Variants in COL21A1 observed in about 807,000 individuals in gnomAD.
COL21A1 encodes collagen type XXI alpha 1 chain, also known as collagen alpha-1(XXI) chain.
A neutral mutation model predicts 137.9 loss-of-function variants in COL21A1; 149 were observed. The observed-to-expected ratio is 1.08, with a 90% CI of 0.95 to 1.24. The LOEUF is 1.24. Among genes scored for constraint, COL21A1 ranks in the 50% most tolerant of loss-of-function variants. The pLI is 0.00. For synonymous variants in COL21A1, 456 were observed against 391.5 expected (o/e 1.16, Z -1.95); for missense variants, 1,167 against 1,158.4 (o/e 1.01, Z -0.11).
chr6:56,307,721 C>T (rs919250039), intron 1 of COL21A1, among the ~76,000 whole-genome samples: 1 of 152,116 alleles, frequency 6.6e-6, no homozygotes, highest in Non-Finnish European at 1.5e-5. Flanking sequence ...GTGCACTGCA[C>T]CCACGGTCCT....
intron 1 of COL21A1, among the ~76,000 whole-genome samples, chr6:56,282,504 G>A (rs1328980841): frequency 6.6e-6 from 1 of 152,162 alleles, no homozygotes; most frequent in Non-Finnish European, 1.5e-5. Context: ...CAGATGAAGA[G>A]GCCTGGATGC....
At chr6:56,354,917 T>C (rs570465978) in intron 1 of COL21A1, among the ~76,000 whole-genome samples, 1 of 152,098 alleles carries the variant, frequency 6.6e-6, no homozygotes, top group Admixed American at 6.6e-5. Flanking sequence ...TTCAAGTCTA[T>C]GAAAAAAAGT....
intron 1 of COL21A1, among the ~76,000 whole-genome samples, chr6:56,382,111 C>T (rs942950004): frequency 1.3e-5 from 2 of 152,144 alleles, no homozygotes; most frequent in African/African-American, 4.8e-5. Flanking sequence ...ATAGGTCACG[C>T]CTGTCAGGAC....
At chr6:56,183,553 A>C (rs16887649) in intron 1 of COL21A1, among the ~76,000 whole-genome samples, 2,603 of 152,284 alleles carry the variant, frequency 0.017, 74 homozygotes, top group African/African-American at 0.06. Flanking sequence ...TACGGAGTAG[A>C]TAAGTAGTCC....
At chr6:56,222,383 T>C (rs1004572514) in intron 1 of COL21A1, among the ~76,000 whole-genome samples, 7 of 152,204 alleles carry the variant, frequency 4.6e-5, no homozygotes, top group African/African-American at 1.7e-4. Flanking sequence ...TATTATACTT[T>C]ACTCACTCAC....
chr6:56,337,704 A>G (rs1265207001), intron 1 of COL21A1, among the ~76,000 whole-genome samples: 1 of 152,354 alleles, frequency 6.6e-6, no homozygotes, highest in South Asian at 2.1e-4. Flanking sequence ...AACTCAGTGG[A>G]ATACAAACAT....
At chr6:56,134,566 A>G (rs1057232962) in intron 12 of COL21A1, among the ~76,000 whole-genome samples, 1 of 152,168 alleles carries the variant, frequency 6.6e-6, no homozygotes, top group African/African-American at 2.4e-5. Flanking sequence ...GTGAAGACAT[A>G]AGATTTGGGA....
chr6:56,157,937 A>G (rs189286735), intron 9 of COL21A1, among the ~76,000 whole-genome samples: 26 of 152,340 alleles, frequency 1.7e-4, no homozygotes, highest in African/African-American at 6.3e-4. Flanking sequence ...TTTAAAGAAC[A>G]CTGTTTAATA....
chr6:56,240,096 T>C (rs1782191758), intron 1 of COL21A1, among the ~76,000 whole-genome samples: 1 of 152,140 alleles, frequency 6.6e-6, no homozygotes, highest in East Asian at 1.9e-4. Context: ...GCAAGATGTG[T>C]CATTTGCCTT....
At chr6:56,377,291 G>A (rs1185039826) in intron 1 of COL21A1, among the ~76,000 whole-genome samples, 1 of 151,854 alleles carries the variant, frequency 6.6e-6, no homozygotes, top group African/African-American at 2.4e-5. Flanking sequence ...GCCCGGCCCG[G>A]AAAAACAGTC....
Position 56,113,285 on chromosome 6 carries a change from AC to A in COL21A1, c.1758+10776del, listed in dbSNP as rs540660337. ...TGCAAAGCTCATGGATCCAAAAGAG[AC>A]CCCTTCCTTCTATAATCCTTGAGGA... On this transcript the variant is annotated intron_variant, in intron 16 of 29. Coordinates refer to ENST00000244728, the MANE Select transcript of COL21A1 (RefSeq NM_030820.4). 5.2e-4 allele frequency among the ~76,000 whole-genome samples: 79 copies of A among 152,154 alleles called. 2 individuals are homozygous for A. The South Asian group carries it at 0.016, about 31-fold the overall frequency.
chr6:56,172,352 G>T (rs2152274148), intron 3 of COL21A1, among the ~76,000 whole-genome samples: 1 of 152,256 alleles, frequency 6.6e-6, no homozygotes, highest in Non-Finnish European at 1.5e-5. Flanking sequence ...CACCATTGCA[G>T]GCCAGGAGTG....
chr6:56,242,246 C>T (rs1782372102), intron 1 of COL21A1, among the ~76,000 whole-genome samples: 1 of 152,002 alleles, frequency 6.6e-6, no homozygotes, highest in South Asian at 2.1e-4. Flanking sequence ...CATTGAATCA[C>T]CTATGAATTT....
At chr6:56,194,083 T>A (rs1285518285) in intron 1 of COL21A1, among the ~76,000 whole-genome samples, 1 of 152,210 alleles carries the variant, frequency 6.6e-6, no homozygotes, top group African/African-American at 2.4e-5. Context: ...TGTTTTATGG[T>A]AACAACATGT....
chr6:56,196,812 G>T (rs9464355), intron 1 of COL21A1, among the ~76,000 whole-genome samples: 2 of 151,834 alleles, frequency 1.3e-5, no homozygotes, highest in East Asian at 3.9e-4. Context: ...CACCCAAAGG[G>T]ATCTATAGAT....
intron 1 of COL21A1, among the ~76,000 whole-genome samples, chr6:56,274,429 C>T (rs1763593811): frequency 6.6e-6 from 1 of 152,160 alleles, no homozygotes; most frequent in South Asian, 2.1e-4. Flanking sequence ...ATGAAACTAT[C>T]TCTCTTTGCT....
chr6:56,073,828 A>G (rs1466305460), intron 20 of COL21A1, among the ~76,000 whole-genome samples: 1 of 151,490 alleles, frequency 6.6e-6, no homozygotes, highest in Non-Finnish European at 1.5e-5. Flanking sequence ...AAGGCACTCT[A>G]TATACATTCC....
chr6:56,338,739 CT>C (rs1765393935), intron 1 of COL21A1, among the ~76,000 whole-genome samples: 1 of 152,142 alleles, frequency 6.6e-6, no homozygotes, highest in Admixed American at 6.5e-5. Flanking sequence ...GGAGCCTCTG[CT>C]TGTCTGTGGG....
intron 1 of COL21A1, among the ~76,000 whole-genome samples, chr6:56,204,289 G>A (rs1490813056): frequency 6.6e-6 from 1 of 152,068 alleles, no homozygotes; most frequent in Non-Finnish European, 1.5e-5. Context: ...TTGGTATGGG[G>A]AGGGGCATGC....
Sources: allele counts gnomAD v4.1 joint callset (sites outside exome capture counted in the v4.1 genomes callset), GRCh38; gene constraint gnomAD v4.1.1; transcripts MANE v1.5; gene names NCBI Gene and HGNC (gene_info 2026-07-23, HGNC 2026-07-21).